Variants in ZSWIM6 observed in about 807,000 individuals in gnomAD.
The protein encoded by ZSWIM6 is zinc finger SWIM-type containing 6, also known as zinc finger SWIM domain-containing protein 6.
In ZSWIM6, 9 loss-of-function variants were observed where a neutral mutation model predicts 113.2. The observed-to-expected ratio is 0.08, with a 90% CI of 0.05 to 0.14. The LOEUF is 0.14. ZSWIM6 is among the 10% of genes least tolerant of loss of function. The pLI is 1.00. For missense variants in ZSWIM6, 1,162 were observed against 1,552.2 expected, an observed-to-expected ratio of 0.75 and a Z score of 4.22; for synonymous variants, 611 against 606.5, an observed-to-expected ratio of 1.01 and a Z score of -0.11.
intron 1 of ZSWIM6, among the ~76,000 whole-genome samples, chr5:61,455,490 AG>A (rs974701040): frequency 4.6e-5 from 7 of 152,204 alleles, no homozygotes; most frequent in Admixed American, 1.3e-4. Context: ...CTCCAAAAAC[AG>A]TGGTTATCTG....
intron 1 of ZSWIM6, among the ~76,000 whole-genome samples, chr5:61,442,084 G>A (rs1182303967): frequency 6.6e-6 from 1 of 152,148 alleles, no homozygotes; most frequent in Non-Finnish European, 1.5e-5. Flanking sequence ...TCAACAGAAA[G>A]CAGGTGGTCA....
chr5:61,333,281 A>G (rs1359348816), intron 1 of ZSWIM6, among the ~76,000 whole-genome samples: 5 of 150,508 alleles, frequency 3.3e-5, no homozygotes, highest in Non-Finnish European at 1.5e-5. Context: ...TCGGGGGTGG[A>G]TGTGGACAAA....
intron 4 of ZSWIM6, among the ~76,000 whole-genome samples, chr5:61,509,108 C>T (rs1029703893): frequency 1.3e-5 from 2 of 152,148 alleles, no homozygotes; most frequent in African/African-American, 2.4e-5. Flanking sequence ...TGTTATTTCA[C>T]TTAATCATAT....
chr5:61,394,749 G>A (rs1745805033), intron 1 of ZSWIM6, among the ~76,000 whole-genome samples: 1 of 152,132 alleles, frequency 6.6e-6, no homozygotes, highest in East Asian at 1.9e-4. Flanking sequence ...CAGAGGAGGG[G>A]GTATGGAAAG....
chr5:61,516,557 G>A (rs1748948538), intron 4 of ZSWIM6, among the ~76,000 whole-genome samples: 1 of 146,206 alleles, frequency 6.8e-6, no homozygotes, highest in African/African-American at 2.5e-5. Flanking sequence ...ATAGTTTATA[G>A]ATACAGTTTT....
At chr5:61,363,762 A>G (rs1048647289) in intron 1 of ZSWIM6, among the ~76,000 whole-genome samples, 2 of 152,098 alleles carry the variant, frequency 1.3e-5, no homozygotes, top group African/African-American at 4.8e-5. Flanking sequence ...TTCTCATTTA[A>G]CATTTTGGTA....
intron 2 of ZSWIM6, among the ~76,000 whole-genome samples, chr5:61,481,116 G>A (rs1409988009): frequency 6.6e-6 from 1 of 152,134 alleles, no homozygotes; most frequent in African/African-American, 2.4e-5. Context: ...AGATGAAGAT[G>A]TTAACTTTGT....
At chr5:61,333,419 C>G (rs1003707821) in intron 1 of ZSWIM6, among the ~76,000 whole-genome samples, 37 of 151,890 alleles carry the variant, frequency 2.4e-4, no homozygotes, top group Non-Finnish European at 4.6e-4. Flanking sequence ...CCCTCTCCCA[C>G]TGCCTGTCGC....
At chr5:61,344,713 C>T (rs542088245) in intron 1 of ZSWIM6, among the ~76,000 whole-genome samples, 1 of 152,326 alleles carries the variant, frequency 6.6e-6, no homozygotes, top group South Asian at 2.1e-4. Flanking sequence ...CTATGTGTTA[C>T]AGCTGCTGCT....
chr5:61,373,822 T>TA lies in ZSWIM6; in HGVS notation c.676+40875dup, dbSNP rs1336504167. Among the ~76,000 whole-genome samples, 7 of 152,310 alleles carry TA rather than the reference T, an allele frequency of 4.6e-5. No homozygotes were observed. In the East Asian group the frequency reaches 1.3e-3, roughly 29 times the overall value. The stretch of plus-strand genomic sequence containing the variant: ...TCGTCAACAGAGAACTTTTTTTTGA[T>TA]ATCTAAGATTTTTAGCATTAAAATT... On this transcript the variant is annotated intron_variant, in intron 1 of 13. Transcript: ENST00000252744.
At chr5:61,481,837 A>G (rs1016595009) in intron 2 of ZSWIM6, among the ~76,000 whole-genome samples, 1 of 152,310 alleles carries the variant, frequency 6.6e-6, no homozygotes, top group South Asian at 2.1e-4. Flanking sequence ...TCTTTTTCCA[A>G]CAGATAATTT....
intron 1 of ZSWIM6, among the ~76,000 whole-genome samples, chr5:61,406,676 T>C (rs554032525): frequency 6.6e-6 from 1 of 150,690 alleles, no homozygotes; most frequent in East Asian, 1.9e-4. Context: ...ATACTATAAT[T>C]TATCTCAGAA....
intron 1 of ZSWIM6, among the ~76,000 whole-genome samples, chr5:61,463,858 G>T (rs543169308): frequency 6.6e-6 from 1 of 152,270 alleles, no homozygotes; most frequent in South Asian, 2.1e-4. Context: ...ACTTTCGAGG[G>T]CCTGGCCTAT....
At chr5:61,441,382 TA>T (rs1402671671) in intron 1 of ZSWIM6, among the ~76,000 whole-genome samples, 3 of 152,176 alleles carry the variant, frequency 2.0e-5, no homozygotes, top group Admixed American at 6.5e-5. Flanking sequence ...TGCTTAAATA[TA>T]AATCATCTGT....
chr5:61,393,865 G>A (rs1234866991), intron 1 of ZSWIM6, among the ~76,000 whole-genome samples: 3 of 152,036 alleles, frequency 2.0e-5, no homozygotes, highest in Admixed American at 2.0e-4. Flanking sequence ...TCTTCTTTAG[G>A]TCTTTTCCAG....
chr5:61,374,971 T>A, intron 1 of ZSWIM6: 1 of 849,348 alleles, frequency 1.2e-6, no homozygotes, highest in Non-Finnish European at 1.8e-6. Flanking sequence ...CTAAAATTAA[T>A]ATAGAAATGA....
chr5:61,449,313 G>A (rs1235142954), intron 1 of ZSWIM6, among the ~76,000 whole-genome samples: 1 of 152,098 alleles, frequency 6.6e-6, no homozygotes, highest in African/African-American at 2.4e-5. Flanking sequence ...TTACTGAAAG[G>A]TATGTAATGA....
At chr5:61,442,828 A>C (rs1746868859) in intron 1 of ZSWIM6, among the ~76,000 whole-genome samples, 1 of 152,238 alleles carries the variant, frequency 6.6e-6, no homozygotes, top group African/African-American at 2.4e-5. Context: ...AGGGAGAGAA[A>C]TGTGCCTTAA....
chr5:61,537,374 A>G (rs1580071704), intron 10 of ZSWIM6, among the ~76,000 whole-genome samples: 1 of 152,152 alleles, frequency 6.6e-6, no homozygotes, highest in East Asian at 1.9e-4. Context: ...AGGTATTGCA[A>G]GGCAGCCCAG....
Sources: gnomAD v4.1 joint callset for allele counts (sites outside exome capture counted in the v4.1 genomes callset) on GRCh38, gnomAD v4.1.1 for gene constraint, MANE v1.5 for transcripts, NCBI Gene and HGNC (gene_info 2026-07-23, HGNC 2026-07-21) for gene names.